The following WDR72 variants were observed in gnomAD, a reference collection of about 807,000 sequenced individuals.
The protein encoded by WDR72 is WD repeat-containing protein 72.
A neutral mutation model predicts 124.2 loss-of-function variants in WDR72; 120 were observed. That is an observed-to-expected ratio of 0.97 (90% CI 0.83 to 1.12). The LOEUF (loss-of-function observed/expected upper bound fraction) is 1.12. Among genes scored for constraint, WDR72 ranks in the 50% most tolerant of loss-of-function variants. WDR72 has a pLI of 0.00. For missense variants in WDR72, 1,387 were observed against 1,278.8 expected (o/e 1.08, Z -1.29); for synonymous variants, 452 against 441.7 (o/e 1.02, Z -0.29).
chr15:53,604,550 C>T (rs1048430114), intron 17 of WDR72, among the ~76,000 whole-genome samples: 1 of 152,072 alleles, frequency 6.6e-6, no homozygotes, highest in Non-Finnish European at 1.5e-5. Context: ...AGGCAACCTG[C>T]AGAATGGGAG....
chr15:53,654,567 C>G (rs2015350742), intron 14 of WDR72, among the ~76,000 whole-genome samples: 1 of 152,194 alleles, frequency 6.6e-6, no homozygotes, highest in Admixed American at 6.5e-5. Flanking sequence ...ATAGCTGGGC[C>G]TTTGCGGTAG....
At chr15:53,668,248 T>C (rs2015847090) in intron 13 of WDR72, among the ~76,000 whole-genome samples, 1 of 152,234 alleles carries the variant, frequency 6.6e-6, no homozygotes. Context: ...AAATAATGAA[T>C]ATTTTGTTTT....
At chr15:53,609,426 T>C in intron 17 of WDR72, 87 bp downstream of exon 17, 1 of 1,176,378 alleles carries the variant, frequency 8.5e-7, no homozygotes, top group Non-Finnish European at 1.3e-6. Context: ...GAGTAACTGC[T>C]TGTATTTTCA....
intron 18 of WDR72, among the ~76,000 whole-genome samples, chr15:53,529,498 T>A (rs191520206): frequency 6.6e-6 from 1 of 151,884 alleles, no homozygotes; most frequent in African/African-American, 2.4e-5. Flanking sequence ...ACTAAGAGGG[T>A]AAATGGCCAC....
intron 1 of WDR72, among the ~76,000 whole-genome samples, chr15:53,740,307 ATTTTT>A (rs57166942): frequency 4.5e-5 from 6 of 132,594 alleles, no homozygotes; most frequent in Non-Finnish European, 1.6e-5. Context: ...GATTCAACTA[ATTTTT>A]TTTTTTTTTT....
At chr15:53,557,639 A>C (rs2140288973) in intron 18 of WDR72, among the ~76,000 whole-genome samples, 1 of 152,134 alleles carries the variant, frequency 6.6e-6, no homozygotes, top group African/African-American at 2.4e-5. Flanking sequence ...AATCTGGCTG[A>C]GGTCAAGAGA....
intron 11 of WDR72, among the ~76,000 whole-genome samples, chr15:53,703,044 G>T (rs2017232528): frequency 1.3e-5 from 2 of 151,822 alleles, no homozygotes; most frequent in Non-Finnish European, 2.9e-5. Flanking sequence ...CTCCCTAGTA[G>T]CTGGGTCCAC....
In WDR72 at chr15:53,600,629, C is replaced by A. The variant is rs2013002267; in HGVS notation, c.2953-3355G>T. ...GGAAGAGCAAAATACTGTAAAATAG[C>A]ATAGAGCATCATGAAGATGCATAAG... On this transcript the variant is annotated intron_variant, in intron 17 of 19. Transcript: ENST00000360509. Among the ~76,000 whole-genome samples, 3 of 152,258 alleles carry A rather than the reference C, an allele frequency of 2.0e-5. No homozygotes were observed. The South Asian group carries it at 6.2e-4, about 32-fold the overall frequency.
At chr15:53,640,440 T>C (rs2014804242) in intron 14 of WDR72, among the ~76,000 whole-genome samples, 1 of 152,142 alleles carries the variant, frequency 6.6e-6, no homozygotes, top group South Asian at 2.1e-4. Context: ...TTGGGGTAAT[T>C]TGGAAAAGGA....
At chr15:53,592,590 C>T (rs2012561691) in intron 18 of WDR72, among the ~76,000 whole-genome samples, 1 of 151,996 alleles carries the variant, frequency 6.6e-6, no homozygotes, top group African/African-American at 2.4e-5. Flanking sequence ...ATGATGCATG[C>T]AATAAAGATT....
At chr15:53,604,525 A>T (rs1336526745) in intron 17 of WDR72, among the ~76,000 whole-genome samples, 1 of 152,250 alleles carries the variant, frequency 6.6e-6, no homozygotes, top group East Asian at 1.9e-4. Flanking sequence ...GAAAGAAACT[A>T]TCAATAGAGC....
chr15:53,591,181 T>C (rs2012473941), intron 18 of WDR72, among the ~76,000 whole-genome samples: 1 of 152,042 alleles, frequency 6.6e-6, no homozygotes, highest in African/African-American at 2.4e-5. Flanking sequence ...GTTAGGCACC[T>C]CTTTGATGTG....
intron 17 of WDR72, among the ~76,000 whole-genome samples, chr15:53,602,840 A>G (rs560540715): frequency 6.6e-6 from 1 of 152,136 alleles, no homozygotes; most frequent in African/African-American, 2.4e-5. Flanking sequence ...AGGCAGTTAA[A>G]TAAACAGCTT....
At chr15:53,578,729 A>G (rs1285240952) in intron 18 of WDR72, among the ~76,000 whole-genome samples, 5 of 151,058 alleles carry the variant, frequency 3.3e-5, no homozygotes, top group Admixed American at 3.3e-4. Context: ...GCTTAAATAA[A>G]TAAAACTTAA....
intron 14 of WDR72, among the ~76,000 whole-genome samples, chr15:53,620,401 T>C (rs980422596): frequency 2.7e-5 from 4 of 148,796 alleles, no homozygotes; most frequent in Admixed American, 2.6e-4. Flanking sequence ...ATATTTATTT[T>C]TTAAATTTCT....
chr15:53,625,612 T>G (rs2014174089), intron 14 of WDR72, among the ~76,000 whole-genome samples: 1 of 152,280 alleles, frequency 6.6e-6, no homozygotes, highest in South Asian at 2.1e-4. Context: ...ACAAAGACTT[T>G]GGGAAAAGAT....
At chr15:53,683,113 G>C (rs1207851216) in intron 13 of WDR72, among the ~76,000 whole-genome samples, 1 of 152,102 alleles carries the variant, frequency 6.6e-6, no homozygotes, top group Non-Finnish European at 1.5e-5. Flanking sequence ...GAACAGTATG[G>C]AGGAAATTGC....
At chr15:53,723,504 G>A (rs2017935793) in intron 2 of WDR72, among the ~76,000 whole-genome samples, 1 of 152,136 alleles carries the variant, frequency 6.6e-6, no homozygotes, top group African/African-American at 2.4e-5. Context: ...CATGTTCATT[G>A]TAGCATTATT....
In WDR72 at chr15:53,615,776, A is replaced by G; in HGVS notation, c.2430T>C (p.Asp810=). 1 of 1,613,554 alleles carries G rather than the reference A, an allele frequency of 6.2e-7. No individual in the cohort carries two copies. The highest frequency in any genetic ancestry group is 8.5e-7 in the Non-Finnish European group (1 of 1,179,670). Residue 810 remains aspartate (D), a synonymous_variant, in exon 15 of 20, where the codon GAT becomes GAC. Transcript: ENST00000360509. ...GGTGCTTAATGCAAAGATAATCTAAATCTTTATCCACTCCCCATGGCAAAA... is the reference window on the plus strand; with the variant it reads ...GGTGCTTAATGCAAAGATAATCTAAGTCTTTATCCACTCCCCATGGCAAAA... ...SCLLPWGVDK[D]LDYLCIKHLN...
Sources: gnomAD v4.1 joint callset for allele counts (sites outside exome capture counted in the v4.1 genomes callset) on GRCh38, gnomAD v4.1.1 for gene constraint, MANE v1.5 for transcripts, NCBI Gene and HGNC (gene_info 2026-07-23, HGNC 2026-07-21) for gene names.